GALNT13: variants seen among roughly 807,000 people sequenced by gnomAD.
GALNT13 encodes the protein UDP-GalNAc:polypeptide N-acetylgalactosaminyltransferase 13.
In GALNT13, 28 loss-of-function variants were observed where a neutral mutation model predicts 64.2. The observed-to-expected ratio is 0.44, with a 90% confidence interval of 0.32 to 0.60. The LOEUF is 0.60. Ranked by LOEUF, GALNT13 falls within the 20% of genes least tolerant of loss-of-function variation. GALNT13 has a pLI of 0.05. For synonymous variants in GALNT13, 214 were observed against 224.6 expected (o/e 0.95, Z 0.42); for missense variants, 577 against 669.8 (o/e 0.86, Z 1.53).
At chr2:154,041,324 A>G (rs924596283) in intron 3 of GALNT13, among the ~76,000 whole-genome samples, 2 of 140,658 alleles carry the variant, frequency 1.4e-5, no homozygotes, top group African/African-American at 2.4e-5. Context: ...ATTACTTCCA[A>G]TCTTTGATTC....
chr2:153,780,234 T>TATATATATATATATATATATATATGC, the GALNT13 span, among the ~76,000 whole-genome samples: 8 of 10,564 alleles, frequency 7.6e-4, no homozygotes, highest in East Asian at 2.8e-3. Flanking sequence ...TATATATATA[T>TATATATATATATATATATATATATGC]ATATATATAT....
At chr2:153,307,911 T>C in the GALNT13 span, among the ~76,000 whole-genome samples, 1 of 152,160 alleles carries the variant, frequency 6.6e-6, no homozygotes, top group Non-Finnish European at 1.5e-5. Context: ...GTACATTACA[T>C]TTATTTTCAT....
the GALNT13 span, among the ~76,000 whole-genome samples, chr2:153,410,173 C>T: frequency 5.3e-5 from 8 of 152,102 alleles, no homozygotes; most frequent in African/African-American, 1.9e-4. Flanking sequence ...GTAGTCTCTA[C>T]CTCCTGGGCT....
At chr2:154,347,828 G>A (rs941080992) in intron 9 of GALNT13, among the ~76,000 whole-genome samples, 5 of 152,130 alleles carry the variant, frequency 3.3e-5, no homozygotes, top group Admixed American at 3.3e-4. Flanking sequence ...TGCTATGAGG[G>A]ACTAAGTAAC....
intron 12 of GALNT13, among the ~76,000 whole-genome samples, chr2:154,443,939 T>A (rs1701433897): frequency 1.3e-5 from 2 of 152,154 alleles, no homozygotes; most frequent in Non-Finnish European, 2.9e-5. Context: ...AATACTATCT[T>A]AGGGTTTAGA....
intron 7 of GALNT13, among the ~76,000 whole-genome samples, chr2:154,256,340 G>T (rs1690373932): frequency 6.6e-6 from 1 of 152,132 alleles, no homozygotes; most frequent in African/African-American, 2.4e-5. Context: ...TTGCTGACAT[G>T]GCAGAGCCTT....
At chr2:153,242,642 T>C in the GALNT13 span, among the ~76,000 whole-genome samples, 1 of 152,252 alleles carries the variant, frequency 6.6e-6, no homozygotes, top group Non-Finnish European at 1.5e-5. Context: ...ATATCCAAGC[T>C]ATATGTATTT....
At chr2:154,442,300 C>T (rs1055023921) in intron 12 of GALNT13, among the ~76,000 whole-genome samples, 1 of 152,036 alleles carries the variant, frequency 6.6e-6, no homozygotes, top group Non-Finnish European at 1.5e-5. Flanking sequence ...ATTGCTTATC[C>T]TTGTAATTGA....
chr2:154,147,416 G>A (rs1250151181), intron 4 of GALNT13, among the ~76,000 whole-genome samples: 1 of 147,132 alleles, frequency 6.8e-6, no homozygotes, highest in Non-Finnish European at 1.5e-5. Context: ...CTAGTATGTG[G>A]CAGTGTGAAT....
chr2:153,368,657 G>A, the GALNT13 span, among the ~76,000 whole-genome samples: 131 of 152,164 alleles, frequency 8.6e-4, no homozygotes, highest in Non-Finnish European at 1.6e-3. Context: ...TAACACCAGA[G>A]CTTCTAAATA....
In GALNT13 at chr2:154,025,322, T is replaced by G. The variant is rs183144593; in HGVS notation, c.142+80683T>G. Among the ~76,000 whole-genome samples the G allele has an allele frequency of 2.4e-3, 369 of 152,266 alleles. 1 individual carries two copies. Among genetic ancestry groups the G allele is most frequent in the Non-Finnish European group, 4.2e-3 (283 of 68,012 alleles). Reference sequence around the variant, plus strand: ...GCCATCTTGGCTCCTCCCCCCATGTTTAAATGTTTATCAAAAAATAAATAA... The same window carrying G: ...GCCATCTTGGCTCCTCCCCCCATGTGTAAATGTTTATCAAAAAATAAATAA... On this transcript the variant is annotated intron_variant, in intron 3 of 12. Transcript: ENST00000392825.
chr2:154,378,811 A>G (rs1437218761), intron 9 of GALNT13, among the ~76,000 whole-genome samples: 1 of 152,146 alleles, frequency 6.6e-6, no homozygotes, highest in Non-Finnish European at 1.5e-5. Flanking sequence ...AGTATTTACA[A>G]TTACAATGTG....
At chr2:153,672,856 TA>T in the GALNT13 span, among the ~76,000 whole-genome samples, 2 of 144,970 alleles carry the variant, frequency 1.4e-5, no homozygotes. Flanking sequence ...CCAGACACAA[TA>T]AAAAATGATA....
chr2:153,192,497 A>G, the GALNT13 span, among the ~76,000 whole-genome samples: 2 of 152,000 alleles, frequency 1.3e-5, no homozygotes, highest in Non-Finnish European at 2.9e-5. Context: ...TGTTCTGTAA[A>G]TGTTTGTTAG....
At chr2:154,168,733 C>T (rs974697114) in intron 4 of GALNT13, among the ~76,000 whole-genome samples, 70 of 149,752 alleles carry the variant, frequency 4.7e-4, no homozygotes, top group Non-Finnish European at 9.0e-4. Flanking sequence ...ATCCCAGATA[C>T]TCAGGAGGCT....
At chr2:154,142,512 G>T (rs1343325403) in intron 4 of GALNT13, among the ~76,000 whole-genome samples, 1 of 128,074 alleles carries the variant, frequency 7.8e-6, no homozygotes, top group Non-Finnish European at 1.5e-5. Flanking sequence ...TTTTGCCATT[G>T]CACTCCAGCC....
the GALNT13 span, among the ~76,000 whole-genome samples, chr2:153,195,942 C>G: frequency 2.0e-5 from 3 of 152,302 alleles, no homozygotes; most frequent in Admixed American, 6.5e-5. Flanking sequence ...CTCTCTGCAT[C>G]TGATCATCCC....
the GALNT13 span, among the ~76,000 whole-genome samples, chr2:153,801,690 G>A: frequency 6.6e-6 from 1 of 152,088 alleles, no homozygotes; most frequent in Non-Finnish European, 1.5e-5. Context: ...AACTAAATGT[G>A]ACACAGAGAC....
At chr2:154,325,729 T>C (rs542578708) in intron 9 of GALNT13, among the ~76,000 whole-genome samples, 1 of 152,072 alleles carries the variant, frequency 6.6e-6, no homozygotes, top group African/African-American at 2.4e-5. Context: ...ACCTCATGCA[T>C]TGTAACTCAT....
Sources: allele counts gnomAD v4.1 joint callset (sites outside exome capture counted in the v4.1 genomes callset), GRCh38; gene constraint gnomAD v4.1.1; transcripts MANE v1.5; gene names NCBI Gene and HGNC (gene_info 2026-07-23, HGNC 2026-07-21).